Variants in CD300LF observed in about 807,000 individuals in gnomAD.
CD300LF encodes the protein CD300 molecule like family member f.
CD300LF carries 27 observed loss-of-function variants against 32.2 expected under a neutral mutation model. The observed-to-expected ratio is 0.84, with a 90% confidence interval of 0.62 to 1.15. CD300LF has a LOEUF of 1.15. Among genes scored for constraint, CD300LF ranks in the 50% most tolerant of loss-of-function variants. The pLI, the probability that CD300LF is intolerant of heterozygous loss-of-function variation, is 0.00. For missense variants in CD300LF, 348 were observed against 356.8 expected, an observed-to-expected ratio of 0.98 and a Z score of 0.20; for synonymous variants, 139 against 143.2, an observed-to-expected ratio of 0.97 and a Z score of 0.21.
At chr17:74,698,680 G>A (rs1326778577) in intron 3 of CD300LF, 199 bp from the exon 4 acceptor site, 2 of 1,353,178 alleles carry the variant, frequency 1.5e-6, no homozygotes, top group Admixed American at 5.8e-5. Context: ...GAAGGGAATG[G>A]AACAAGAGAC....
At chr17:74,706,778 C>T (rs919780100) in intron 1 of CD300LF, among the ~76,000 whole-genome samples, 2 of 152,202 alleles carry the variant, frequency 1.3e-5, no homozygotes, top group African/African-American at 4.8e-5. Context: ...AGGACCACGG[C>T]AGCCTGGATT....
chr17:74,704,594 C>G lies in CD300LF; in HGVS notation c.266G>C (p.Arg89Pro). The change falls in exon 2 of 7, where the codon CGC (arginine) becomes CCC (proline). Residue 89 changes from arginine (R) to proline (P), a missense_variant. Arg to Pro is a moderately radical substitution (Grantham distance 103, BLOSUM62 -2). Coordinates refer to ENST00000326165, the MANE Select transcript of CD300LF (RefSeq NM_139018.5). ...RVSIKDNQKN[R>P]TFTVTMEDLM... The stretch of plus-strand genomic sequence containing the variant: ...ATCCTCCATGGTCACAGTGAACGTG[C>G]GGTTTTTCTGATTGTCCTTGATGGA... The G allele has an allele frequency of 3.1e-6, 5 of 1,614,148 alleles. No individual in the cohort carries two copies. The highest frequency in any genetic ancestry group is 4.2e-6 in the Non-Finnish European group (5 of 1,180,006).
chr17:74,712,070 C>T (rs1471938141), intron 1 of CD300LF, among the ~76,000 whole-genome samples: 1 of 151,804 alleles, frequency 6.6e-6, no homozygotes, highest in Non-Finnish European at 1.5e-5. Context: ...TGCCACCATA[C>T]CTGGCTAATT....
intron 2 of CD300LF, 106 bp from the exon 3 acceptor site, chr17:74,703,204 G>C: frequency 2.2e-6 from 3 of 1,369,278 alleles, no homozygotes; most frequent in Non-Finnish European, 3.1e-6. Flanking sequence ...GAGCCCACCC[G>C]CAGCCCTGCA....
intron 1 of CD300LF, among the ~76,000 whole-genome samples, chr17:74,710,451 C>G (rs984595508): frequency 6.6e-6 from 1 of 152,106 alleles, no homozygotes; most frequent in Middle Eastern, 3.2e-3. Context: ...TTCCTATAAA[C>G]TGCTAATAAA....
At chr17:74,706,207 C>A (rs535095861) in intron 1 of CD300LF, among the ~76,000 whole-genome samples, 3 of 151,210 alleles carry the variant, frequency 2.0e-5, no homozygotes, top group African/African-American at 7.3e-5. Context: ...CAGCATCATG[C>A]AATATATCCA....
intron 6 of CD300LF, among the ~76,000 whole-genome samples, 153 bp from the exon 7 acceptor site, chr17:74,695,404 C>A (rs1419090613): frequency 6.6e-6 from 1 of 152,128 alleles, no homozygotes; most frequent in African/African-American, 2.4e-5. Context: ...CTGCCAAGCA[C>A]CCTGAGCTTC....
chr17:74,708,872 C>T (rs1033276076), intron 1 of CD300LF, among the ~76,000 whole-genome samples: 1 of 149,648 alleles, frequency 6.7e-6, no homozygotes, highest in Non-Finnish European at 1.5e-5. Context: ...GCCGAGATCG[C>T]GCCACTGCAC....
chr17:74,706,282 A>T (rs34017189), intron 1 of CD300LF, among the ~76,000 whole-genome samples: 34,984 of 144,930 alleles, frequency 0.24, 4,670 homozygotes, highest in East Asian at 0.52. Flanking sequence ...GGAAAAAAAA[A>T]ATATATATAT....
chr17:74,712,381 C>T (rs532391253), intron 1 of CD300LF, among the ~76,000 whole-genome samples: 5 of 152,306 alleles, frequency 3.3e-5, no homozygotes, highest in East Asian at 3.9e-4. Context: ...AGAACCACCA[C>T]TCCCTCTCTG....
chr17:74,704,642 T>C lies in CD300LF; in HGVS notation c.218A>G (p.Gln73Arg). 6.2e-7 allele frequency: 1 copy of C among 1,614,194 alleles called. No individual in the cohort carries two copies. Among genetic ancestry groups the C allele is most frequent in the Non-Finnish European group, 8.5e-7 (1 of 1,180,036 alleles). The change falls in exon 2 of 7, where the codon CAG becomes CGG. Residue 73 changes from glutamine to arginine, a missense_variant. Gln to Arg is a conservative substitution (Grantham distance 43). Transcript: ENST00000326165. ...KILVKTSGSE[Q>R]EVKRDRVSIK... ...GGACACCCGGTCCCTCTTCACCTCC[T>C]GCTCTGACCCACTGGTTTTAACAAG... is the stretch of plus-strand genomic sequence containing the variant.
In CD300LF at chr17:74,706,174, A is replaced by G. The variant is rs558744807; in HGVS notation, c.44-1358T>C. On this transcript the variant is annotated intron_variant, in intron 1 of 6. Transcript: ENST00000326165. ...GTACCATGTTCACTATCTGGGTGAC[A>G]GGTTTGATTGAGGCTCAAACCTCAG... 2.6e-5 allele frequency among the ~76,000 whole-genome samples: 4 copies of G among 152,188 alleles called. No homozygotes were observed. The East Asian group carries it at 7.7e-4, about 29-fold the overall frequency.
intron 6 of CD300LF, 71 bp from the exon 7 acceptor site, chr17:74,695,322 G>A (rs1202407697): frequency 1.4e-5 from 22 of 1,573,524 alleles, no homozygotes; most frequent in East Asian, 6.7e-5. Context: ...AGGAGCCCTC[G>A]GAGGAGGATA....
chr17:74,700,613 A>C (rs759862891), intron 3 of CD300LF, among the ~76,000 whole-genome samples: 20 of 152,028 alleles, frequency 1.3e-4, no homozygotes, highest in Non-Finnish European at 1.9e-4. Flanking sequence ...GTGGTGGTGC[A>C]TTCCTGTAAT....
At chr17:74,700,363 T>G (rs1260557605) in intron 3 of CD300LF, among the ~76,000 whole-genome samples, 1 of 152,026 alleles carries the variant, frequency 6.6e-6, no homozygotes, top group African/African-American at 2.4e-5. Context: ...ATTACGGACC[T>G]TATTCCAGTT....
At chr17:74,697,492 A>G (rs1296073031) in intron 4 of CD300LF, among the ~76,000 whole-genome samples, 2 of 152,228 alleles carry the variant, frequency 1.3e-5, no homozygotes, top group Admixed American at 6.5e-5. Flanking sequence ...TTGAAAAAGC[A>G]TCACAGAAAA....
At chr17:74,697,765 G>A (rs1598212068) in intron 4 of CD300LF, among the ~76,000 whole-genome samples, 2 of 152,218 alleles carry the variant, frequency 1.3e-5, no homozygotes, top group Non-Finnish European at 1.5e-5. Context: ...CAAAGGGCAA[G>A]TAGGTCAGCC....
chr17:74,695,869 G>A lies in CD300LF; in HGVS notation c.583-10C>T, dbSNP rs778221421. ...CCAGGGGCTGCAGTACCTGGGACAG[G>A]GAACACAGGCTGGGGAGTCACAAGA... is the stretch of plus-strand genomic sequence containing the variant. On this transcript the variant is annotated splice_polypyrimidine_tract_variant and intron_variant, in intron 5 of 6. Coordinates refer to ENST00000326165, the MANE Select transcript of CD300LF (RefSeq NM_139018.5). The A allele has an allele frequency of 1.2e-6, 2 of 1,611,572 alleles. No homozygotes were observed. The highest frequency in any genetic ancestry group is 1.3e-5 in the African/African-American group (1 of 74,898).
At chr17:74,697,539 C>T (rs147515968) in intron 4 of CD300LF, among the ~76,000 whole-genome samples, 16 of 152,282 alleles carry the variant, frequency 1.1e-4, no homozygotes, top group African/African-American at 3.6e-4. Flanking sequence ...TCTTCCCAGG[C>T]GAAAGATTTC....
Sources: gnomAD v4.1 joint callset for allele counts (sites outside exome capture counted in the v4.1 genomes callset) on GRCh38, gnomAD v4.1.1 for gene constraint, MANE v1.5 for transcripts, NCBI Gene and HGNC (gene_info 2026-07-23, HGNC 2026-07-21) for gene names.